Variants in EXOC4 observed in about 807,000 individuals in gnomAD.
The protein encoded by EXOC4 is SEC8-like 1.
Under a neutral mutation model 107.2 loss-of-function variants are expected in EXOC4, and 71 were observed. The ratio of observed to expected loss-of-function variants is 0.66; its 90% CI spans 0.55 to 0.81. EXOC4 has a LOEUF of 0.81. Ranked by LOEUF, EXOC4 falls within the 30% of genes least tolerant of loss-of-function variation. The pLI is 0.00. For synonymous variants in EXOC4, 456 were observed against 441.2 expected, an observed-to-expected ratio of 1.03 and a Z score of -0.42; for missense variants, 1,108 against 1,189.6, an observed-to-expected ratio of 0.93 and a Z score of 1.01.
At chr7:133,456,498 C>T (rs1156995155) in intron 7 of EXOC4, among the ~76,000 whole-genome samples, 1 of 152,146 alleles carries the variant, frequency 6.6e-6, no homozygotes, top group Non-Finnish European at 1.5e-5. Flanking sequence ...ATGGAACTCC[C>T]CTGGTATTTT....
At chr7:133,380,094 T>TG (rs1380006489) in intron 7 of EXOC4, among the ~76,000 whole-genome samples, 2 of 144,512 alleles carry the variant, frequency 1.4e-5, no homozygotes. Context: ...TGTTGTGGGG[T>TG]GGGGGGATGG....
intron 9 of EXOC4, among the ~76,000 whole-genome samples, chr7:133,618,580 G>A (rs919957949): frequency 1.3e-5 from 2 of 152,132 alleles, no homozygotes; most frequent in Non-Finnish European, 2.9e-5. Context: ...TTTTGCTTTG[G>A]TGGGTGGTCG....
At chr7:133,858,028 G>C (rs1798455695) in intron 11 of EXOC4, among the ~76,000 whole-genome samples, 1 of 151,970 alleles carries the variant, frequency 6.6e-6, no homozygotes, top group Non-Finnish European at 1.5e-5. Flanking sequence ...TCTGGCTTGG[G>C]GAATCCTGAG....
Position 133,302,035 on chromosome 7 carries a change from C to T in EXOC4, c.472-3842C>T, listed in dbSNP as rs906098658. ...AAGAAAATTTAAGGGTATGGTGGTT[C>T]CTAATTGCAAAGATTTTCCTTTGTT... is the stretch of plus-strand genomic sequence containing the variant. On this transcript the variant is annotated intron_variant, in intron 3 of 17. Transcript: ENST00000253861. 4.6e-5 allele frequency among the ~76,000 whole-genome samples: 7 copies of T among 152,108 alleles called. No individual in the cohort carries two copies. The East Asian group carries it at 1.3e-3, about 29-fold the overall frequency.
intron 7 of EXOC4, among the ~76,000 whole-genome samples, chr7:133,394,341 G>A (rs1796923362): frequency 6.6e-6 from 1 of 152,008 alleles, no homozygotes; most frequent in African/African-American, 2.4e-5. Flanking sequence ...TTTCCTTCAT[G>A]TCTTGCTAGT....
chr7:133,633,991 A>AT (rs78806007), intron 10 of EXOC4, among the ~76,000 whole-genome samples: 2,752 of 152,088 alleles, frequency 0.018, 53 homozygotes, highest in African/African-American at 0.055. Context: ...TCAGTTCATA[A>AT]TTTTCATTCA....
chr7:133,870,724 T>C (rs916706544), intron 11 of EXOC4, among the ~76,000 whole-genome samples: 4 of 152,230 alleles, frequency 2.6e-5, no homozygotes, highest in Admixed American at 2.0e-4. Context: ...TCATGGCCTA[T>C]AGCCTGGTAG....
chr7:133,887,871 G>C (rs541306464), intron 11 of EXOC4, among the ~76,000 whole-genome samples: 3 of 152,156 alleles, frequency 2.0e-5, no homozygotes, highest in Non-Finnish European at 4.4e-5. Context: ...TCTTAGCGTA[G>C]GGACGTGTAG....
At chr7:134,017,426 C>T (rs899308232) in intron 17 of EXOC4, among the ~76,000 whole-genome samples, 6 of 152,058 alleles carry the variant, frequency 3.9e-5, no homozygotes, top group African/African-American at 1.4e-4. Flanking sequence ...AAGAAATATA[C>T]CAGTTGATAA....
chr7:133,317,566 A>G (rs1455111644), intron 5 of EXOC4, among the ~76,000 whole-genome samples, 176 bp downstream of exon 5: 6 of 152,192 alleles, frequency 3.9e-5, no homozygotes, highest in African/African-American at 1.4e-4. Flanking sequence ...TAAGATGTAC[A>G]GTGATTTATT....
At chr7:133,856,745 C>T (rs954673819) in intron 11 of EXOC4, among the ~76,000 whole-genome samples, 3 of 151,950 alleles carry the variant, frequency 2.0e-5, no homozygotes, top group Non-Finnish European at 4.4e-5. Context: ...TTCTTGATGC[C>T]TCTTGGGCCC....
intron 7 of EXOC4, among the ~76,000 whole-genome samples, chr7:133,385,769 A>G (rs931614062): frequency 1.3e-5 from 2 of 152,190 alleles, no homozygotes; most frequent in African/African-American, 4.8e-5. Context: ...TTTCTTTTGC[A>G]ATTTTTAAGT....
intron 10 of EXOC4, among the ~76,000 whole-genome samples, chr7:133,633,440 T>A (rs554589784): frequency 6.6e-6 from 1 of 152,286 alleles, no homozygotes; most frequent in South Asian, 2.1e-4. Flanking sequence ...TAAGTTTGGC[T>A]GGGCACGGTG....
chr7:133,821,782 G>A (rs377108697), intron 11 of EXOC4, among the ~76,000 whole-genome samples: 4 of 152,244 alleles, frequency 2.6e-5, no homozygotes, highest in African/African-American at 9.6e-5. Flanking sequence ...GTGCAGATAT[G>A]TGTTACAGTT....
At chr7:133,563,029 T>C (rs568892605) in intron 9 of EXOC4, among the ~76,000 whole-genome samples, 5 of 152,324 alleles carry the variant, frequency 3.3e-5, no homozygotes, top group Admixed American at 2.6e-4. Context: ...ACATTTTTTA[T>C]TTAAAATGTA....
intron 3 of EXOC4, among the ~76,000 whole-genome samples, chr7:133,302,385 A>G (rs1794659474): frequency 2.0e-5 from 3 of 152,218 alleles, no homozygotes; most frequent in Admixed American, 1.3e-4. Flanking sequence ...GTGTTCGGTG[A>G]AAAAATTCAC....
intron 1 of EXOC4, among the ~76,000 whole-genome samples, chr7:133,257,407 A>G (rs1795045017): frequency 6.6e-6 from 1 of 151,982 alleles, no homozygotes. Context: ...CAATTTTTCT[A>G]CTTTTCTGTT....
chr7:133,274,954 A>T (rs756743029), intron 1 of EXOC4, 28 bp from the exon 2 acceptor site: 7 of 1,487,030 alleles, frequency 4.7e-6, no homozygotes, highest in East Asian at 4.6e-5. Flanking sequence ...AGTTTTACTT[A>T]GCTTGATATA....
At chr7:133,514,791 A>C (rs1049340818) in intron 9 of EXOC4, among the ~76,000 whole-genome samples, 8 of 152,194 alleles carry the variant, frequency 5.3e-5, no homozygotes, top group African/African-American at 1.9e-4. Flanking sequence ...GAGTGCTAGG[A>C]ACTAGGCATT....
Sources: gnomAD v4.1 joint callset for allele counts (sites outside exome capture counted in the v4.1 genomes callset) on GRCh38, gnomAD v4.1.1 for gene constraint, MANE v1.5 for transcripts, NCBI Gene and HGNC (gene_info 2026-07-23, HGNC 2026-07-21) for gene names.